The following IGLL5 variants were observed in gnomAD, a reference collection of about 807,000 sequenced individuals.
The protein encoded by IGLL5 is immunoglobulin lambda like polypeptide 5.
Under a neutral mutation model 20.9 loss-of-function variants are expected in IGLL5, and 30 were observed. That is an observed-to-expected ratio of 1.44 (90% CI 1.07 to 1.95). The LOEUF is 1.95. Among genes scored for constraint, IGLL5 ranks in the 30% most tolerant of loss-of-function variants. The pLI is 0.00. For synonymous variants in IGLL5, 203 were observed against 117.3 expected, an observed-to-expected ratio of 1.73 and a Z score of -4.72; for missense variants, 475 against 270.7, an observed-to-expected ratio of 1.75 and a Z score of -5.30.
chr22:22,888,984 G>T (rs576846645), intron 1 of IGLL5, among the ~76,000 whole-genome samples: 1 of 151,398 alleles, frequency 6.6e-6, no homozygotes, highest in African/African-American at 2.4e-5. Context: ...GATGAGGCTG[G>T]GAGCTCCTGG....
rs757014028 is a variant in IGLL5 at position 22,894,107 on chromosome 22, C to G, written c.325+289C>G. Among the ~76,000 whole-genome samples, 4 of 151,418 alleles carry G rather than the reference C, an allele frequency of 2.6e-5. 1 individual carries two copies. Among genetic ancestry groups the G allele is most frequent in the South Asian group, 2.1e-4 (1 of 4,768 alleles). On this transcript the variant is annotated intron_variant, in intron 2 of 2. Transcript: ENST00000526893. ...CAGATGTCTGAGTGAGGGACAGAGG[C>G]TGGTTCTGATGAGGGGCCCTGCAGT...
intron 2 of IGLL5, among the ~76,000 whole-genome samples, chr22:22,894,902 C>G (rs2066707017): frequency 6.6e-6 from 1 of 151,246 alleles, no homozygotes; most frequent in Admixed American, 6.6e-5. Flanking sequence ...TCAAAGCAGG[C>G]TTGGGTCTCC....
intron 2 of IGLL5, among the ~76,000 whole-genome samples, chr22:22,894,119 A>T (rs578088974): frequency 6.6e-6 from 1 of 151,434 alleles, no homozygotes; most frequent in African/African-American, 2.4e-5. Context: ...GGTTCTGATG[A>T]GGGGCCCTGC....
intron 1 of IGLL5, among the ~76,000 whole-genome samples, chr22:22,889,024 T>A (rs73164949): frequency 7.3e-5 from 11 of 151,134 alleles, no homozygotes; most frequent in South Asian, 4.2e-4. Flanking sequence ...AAGAAGACCA[T>A]AGGGTCCGTG....
chr22:22,888,729 G>T (rs569299237), intron 1 of IGLL5, among the ~76,000 whole-genome samples: 1 of 151,394 alleles, frequency 6.6e-6, no homozygotes, highest in Non-Finnish European at 1.5e-5. Context: ...CCCCAAGGCT[G>T]TCTGTTCACC....
intron 2 of IGLL5, 78 bp from the exon 3 acceptor site, chr22:22,895,297 A>C (rs2066738607): frequency 1.5e-6 from 2 of 1,357,194 alleles, no homozygotes; most frequent in Non-Finnish European, 2.1e-6. Context: ...CCTCCCAGAG[A>C]CTTTAGACAG....
At chr22:22,894,290 C>T (rs191021863) in intron 2 of IGLL5, among the ~76,000 whole-genome samples, 2 of 151,174 alleles carry the variant, frequency 1.3e-5, no homozygotes, top group South Asian at 2.1e-4. Context: ...GGGAGGGCCA[C>T]ACGGCCTGGT....
intron 1 of IGLL5, among the ~76,000 whole-genome samples, chr22:22,888,681 A>C (rs531818859): frequency 1.3e-5 from 2 of 150,746 alleles, no homozygotes; most frequent in African/African-American, 4.9e-5. Context: ...GGCAGGGGCC[A>C]CTCCCTGGAG....
intron 2 of IGLL5, among the ~76,000 whole-genome samples, chr22:22,894,114 T>A: frequency 1.3e-5 from 2 of 151,482 alleles, no homozygotes; most frequent in East Asian, 2.0e-4. Context: ...AGGCTGGTTC[T>A]GATGAGGGGC....
chr22:22,895,015 G>A (rs1004183), intron 2 of IGLL5, among the ~76,000 whole-genome samples: 2 of 151,442 alleles, frequency 1.3e-5, no homozygotes, highest in South Asian at 4.2e-4. Context: ...GATGGAGGGG[G>A]GTATAGGGAT....
chr22:22,889,670 C>T (rs2067743883), intron 1 of IGLL5, among the ~76,000 whole-genome samples: 3 of 151,402 alleles, frequency 2.0e-5, no homozygotes, highest in South Asian at 2.1e-4. Flanking sequence ...TCACTGCAGC[C>T]TCAACCTCCA....
intron 2 of IGLL5, 99 bp downstream of exon 2, chr22:22,893,917 C>G (rs570714802): frequency 1.4e-5 from 12 of 853,178 alleles, no homozygotes; most frequent in Admixed American, 8.9e-5. Flanking sequence ...GTCCTCCCAG[C>G]CTTAAGCACT....
Position 22,895,920 on chromosome 22 carries a change from G to T in IGLL5, c.*226G>T. ...TGGGGTACAGGGAATTCTGCACCCAGTGTGAAAATCACCCAAGGGAGGAGG... is the reference window on the plus strand; with the variant it reads ...TGGGGTACAGGGAATTCTGCACCCATTGTGAAAATCACCCAAGGGAGGAGG... On this transcript the variant is annotated 3_prime_UTR_variant, in exon 3 of 3. Coordinates refer to ENST00000526893, the MANE Select transcript of IGLL5 (RefSeq NM_001178126.2). The T allele has an allele frequency of 1.6e-6, 1 of 606,646 alleles. No homozygotes were observed. The highest frequency in any genetic ancestry group is 2.9e-6 in the Non-Finnish European group (1 of 341,852). The allele number at this position is 606,646 out of a possible 1,614,324, so 37.6% of individuals were successfully genotyped here.
Position 22,895,820 on chromosome 22 carries a change from ATT to A in IGLL5, c.*127_*128del. 1.1e-6 allele frequency: 1 copy of A among 870,598 alleles called. No homozygotes were observed. The highest frequency in any genetic ancestry group is 1.9e-6 in the Non-Finnish European group (1 of 534,870). The allele number at this position is 870,598 out of a possible 1,614,324, so 53.9% of individuals were successfully genotyped here. A position where few individuals can be genotyped will look rare whatever the true frequency, so the allele number is the denominator to read the frequency against. On this transcript the variant is annotated 3_prime_UTR_variant, in exon 3 of 3. Coordinates refer to ENST00000526893, the MANE Select transcript of IGLL5 (RefSeq NM_001178126.2). Reference sequence around the variant, plus strand: ...TCATGAAACCCCAATAAATATCCTCATTGACAACCAGAAATCTTGTTTTATCT... The same window carrying A: ...TCATGAAACCCCAATAAATATCCTCAGACAACCAGAAATCTTGTTTTATCT...
At chr22:22,889,459 T>G (rs1357783751) in intron 1 of IGLL5, among the ~76,000 whole-genome samples, 5 of 151,286 alleles carry the variant, frequency 3.3e-5, no homozygotes, top group South Asian at 2.1e-4. Context: ...GTTGGGGGAA[T>G]AATCAAAGCT....
chr22:22,889,574 A>G lies in IGLL5; in HGVS notation c.206+1315A>G, dbSNP rs568090385. 4.6e-5 allele frequency among the ~76,000 whole-genome samples: 7 copies of G among 151,208 alleles called. 1 individual carries two copies. The highest frequency in any genetic ancestry group is 4.1e-4 in the East Asian group (2 of 4,936). ...ACCAGAAAGGGTGTGAAAAAACACAATTGTATTTGGGGGACTGTTGTTGTT... is the reference window on the plus strand; with the variant it reads ...ACCAGAAAGGGTGTGAAAAAACACAGTTGTATTTGGGGGACTGTTGTTGTT... On this transcript the variant is annotated intron_variant, in intron 1 of 2. Coordinates refer to ENST00000526893, the MANE Select transcript of IGLL5 (RefSeq NM_001178126.2).
At chr22:22,894,081 G>T (rs541246711) in intron 2 of IGLL5, among the ~76,000 whole-genome samples, 2 of 151,294 alleles carry the variant, frequency 1.3e-5, no homozygotes, top group African/African-American at 2.4e-5. Context: ...CTCTTCCAGG[G>T]CAGATGTCTG....
intron 1 of IGLL5, among the ~76,000 whole-genome samples, chr22:22,889,508 T>G (rs140241536): frequency 6.6e-6 from 1 of 151,308 alleles, no homozygotes; most frequent in Non-Finnish European, 1.5e-5. Flanking sequence ...TAGCTCAGCA[T>G]TATTAGTGAT....
At chr22:22,894,769 A>T (rs183595168) in intron 2 of IGLL5, among the ~76,000 whole-genome samples, 3 of 151,132 alleles carry the variant, frequency 2.0e-5, no homozygotes, top group South Asian at 2.1e-4. Context: ...GGAGACAGGA[A>T]ACATCTCAGA....
Sources: allele counts gnomAD v4.1 joint callset (sites outside exome capture counted in the v4.1 genomes callset), GRCh38; gene constraint gnomAD v4.1.1; transcripts MANE v1.5; gene names NCBI Gene and HGNC (gene_info 2026-07-23, HGNC 2026-07-21).